Variants in ATAD2 observed in about 807,000 individuals in gnomAD.
ATAD2 encodes ATPase family AAA domain-containing protein 2.
In ATAD2, 62 loss-of-function variants were observed where a neutral mutation model predicts 168.9. The ratio of observed to expected loss-of-function variants is 0.37; its 90% confidence interval spans 0.30 to 0.45. The LOEUF is 0.45. ATAD2 is among the 20% of genes least tolerant of loss of function. The probability of loss-of-function intolerance (pLI) is 1.00; values close to 1 mark genes in which losing one functional copy is unlikely to be tolerated. For missense variants in ATAD2, 1,419 were observed against 1,667.8 expected (o/e 0.85, Z 2.60); for synonymous variants, 613 against 571.6 (o/e 1.07, Z -1.03).
At chr8:123,361,214 G>C (rs1053986737) in intron 9 of ATAD2, among the ~76,000 whole-genome samples, 25 of 151,878 alleles carry the variant, frequency 1.6e-4, no homozygotes, top group Middle Eastern at 3.2e-3. Flanking sequence ...CTACTCAGGA[G>C]GCTGAGGCAG....
In ATAD2 at chr8:123,328,353, G is replaced by T. The variant is rs1563832306; in HGVS notation, c.3705C>A (p.Ser1235Arg). 3 of 1,603,882 alleles carry T rather than the reference G, an allele frequency of 1.9e-6. No homozygotes were observed. Among genetic ancestry groups the T allele is most frequent in the South Asian group, 1.1e-5 (1 of 87,668 alleles). ...TTGAATTATTTCTCAATTCCAGTTT[G>T]CTTTCAGAGGCATTTTGCTGTTTTT... The part of the protein sequence containing the change: ...ENEKQQNASE[S>R]KLELRNNSNT... Residue 1235 changes from serine to arginine, a missense_variant, in exon 25 of 28, where the codon AGC becomes AGA. Coordinates refer to ENST00000287394, the MANE Select transcript of ATAD2 (RefSeq NM_014109.4).
rs561378471 is a variant in ATAD2 at position 123,413,897 on chromosome 8, A to G, written c.-2282+2351T>C. On this transcript the variant is annotated intron_variant, in intron 1 of 28. Transcript: ENST00000521903. ...GAATAAGACACTCAGTGACAAGAGT[A>G]TGGCGGCGGGGAGGGTGGCCGAGGC... is the stretch of plus-strand genomic sequence containing the variant. 7.2e-5 allele frequency among the ~76,000 whole-genome samples: 11 copies of G among 152,144 alleles called. No individual in the cohort carries two copies. In the East Asian group the frequency reaches 2.1e-3, roughly 29 times the overall value.
chr8:123,339,065 A>T (rs762361555), intron 20 of ATAD2, among the ~76,000 whole-genome samples: 1 of 152,168 alleles, frequency 6.6e-6, no homozygotes, highest in Non-Finnish European at 1.5e-5. Context: ...TGGAGGGCTG[A>T]GGCAGAACAC....
In ATAD2 at chr8:123,374,327, C is replaced by T. The variant is rs563229799; in HGVS notation, c.321-1641G>A. Among the ~76,000 whole-genome samples the T allele has an allele frequency of 4.6e-5, 7 of 152,256 alleles. No homozygotes were observed. In the East Asian group the frequency reaches 5.8e-4, roughly 13 times the overall value. On this transcript the variant is annotated intron_variant, in intron 2 of 27. Transcript: ENST00000287394. ...AAGATTGCACCACTACATTCCAGCC[C>T]GGGTGACAGAGCACAGGGTCCATCT...
chr8:123,348,254 T>G lies in ATAD2; in HGVS notation c.1826A>C (p.Lys609Thr). ...PDKEARKEIL[K>T]IHTRDWNPKP... is the part of the protein sequence containing the mutation. ...GGGATTCCAATCCCTGGTGTGAATC[T>G]TTAGAATCTCTTTTCGAGCCTATGA... The change falls in exon 15 of 28, where the codon AAG (lysine) becomes ACG (threonine). Residue 609 changes from lysine (K) to threonine (T), a missense_variant. Physicochemically the swap from Lys to Thr is moderately conservative, Grantham distance 78. Transcript: ENST00000287394. 6.3e-7 allele frequency: 1 copy of G among 1,597,160 alleles called. No individual in the cohort carries two copies. Among genetic ancestry groups the G allele is most frequent in the Non-Finnish European group, 8.5e-7 (1 of 1,174,230 alleles).
At chr8:123,373,989 T>G (rs1829233424) in intron 2 of ATAD2, among the ~76,000 whole-genome samples, 1 of 152,140 alleles carries the variant, frequency 6.6e-6, no homozygotes, top group Non-Finnish European at 1.5e-5. Context: ...CCTGATGAGT[T>G]AACTTATATA....
chr8:123,411,112 T>G (rs1813148565), intron 1 of ATAD2, among the ~76,000 whole-genome samples: 1 of 152,128 alleles, frequency 6.6e-6, no homozygotes, highest in African/African-American at 2.4e-5. Flanking sequence ...TGCCACCATC[T>G]TGGAAACTTT....
intron 1 of ATAD2, among the ~76,000 whole-genome samples, chr8:123,383,708 G>C (rs989062941): frequency 7.2e-5 from 11 of 151,994 alleles, no homozygotes; most frequent in African/African-American, 2.2e-4. Context: ...AGGAGGCGGA[G>C]GTTGCGGTGA....
At chr8:123,336,625 A>G in intron 21 of ATAD2, 93 bp from the exon 22 acceptor site, 1 of 912,094 alleles carries the variant, frequency 1.1e-6, no homozygotes, top group Non-Finnish European at 1.6e-6. Flanking sequence ...GAGATAGAGA[A>G]TAAATACGTA....
At chr8:123,414,718 G>A (rs750278239) in intron 1 of ATAD2, among the ~76,000 whole-genome samples, 13 of 152,202 alleles carry the variant, frequency 8.5e-5, no homozygotes, top group Non-Finnish European at 2.9e-5. Context: ...GTAGGGTTAG[G>A]GAGGACCCTG....
chr8:123,344,708 A>G, intron 19 of ATAD2, 176 bp downstream of exon 19: 1 of 675,132 alleles, frequency 1.5e-6, no homozygotes, highest in South Asian at 1.8e-5. Flanking sequence ...ACACATATAC[A>G]TATACCATCT....
intron 2 of ATAD2, among the ~76,000 whole-genome samples, chr8:123,376,322 C>T (rs928274011): frequency 7.2e-5 from 11 of 151,944 alleles, no homozygotes; most frequent in African/African-American, 2.7e-4. Flanking sequence ...AGGAGAATCT[C>T]TTGGACCTGG....
chr8:123,386,838 T>C (rs972914903), intron 1 of ATAD2, among the ~76,000 whole-genome samples: 1 of 151,910 alleles, frequency 6.6e-6, no homozygotes, highest in Admixed American at 6.6e-5. Flanking sequence ...AAGAGAATCT[T>C]TGATGTGCAT....
intron 1 of ATAD2, among the ~76,000 whole-genome samples, chr8:123,395,859 A>G (rs1812800269): frequency 6.6e-6 from 1 of 151,968 alleles, no homozygotes; most frequent in Admixed American, 6.5e-5. Context: ...TGGGCGATCG[A>G]TCGGCCAGGG....
intron 1 of ATAD2, among the ~76,000 whole-genome samples, chr8:123,385,702 G>C (rs977570230): frequency 6.6e-6 from 1 of 151,930 alleles, no homozygotes; most frequent in African/African-American, 2.4e-5. Context: ...ACTATCAACA[G>C]AGTGAAAAGG....
chr8:123,407,189 CAGAA>C (rs1345020633), intron 1 of ATAD2, among the ~76,000 whole-genome samples: 1 of 152,168 alleles, frequency 6.6e-6, no homozygotes, highest in Non-Finnish European at 1.5e-5. Context: ...TCCAAATCTC[CAGAA>C]AGAATCAACC....
Position 123,369,891 on chromosome 8 carries a change from T to C in ATAD2, c.861A>G (p.Glu287=), listed in dbSNP as rs756496549. ...GATAATATCGCTTCTGATTCTCTTC[T>C]TCTCCATCTTCTTCATCTTCATCAT... ...DEDDEDEEDG[E]EENQKRYYLR... is the part of the protein sequence containing the mutation. Residue 287 remains glutamate, a synonymous_variant, in exon 7 of 28, where the codon GAA becomes GAG. Transcript: ENST00000287394. 1.4e-5 allele frequency: 22 copies of C among 1,610,282 alleles called. No individual in the cohort carries two copies. In the East Asian group the frequency reaches 4.5e-4, roughly 33 times the overall value.
At chr8:123,386,777 T>C (rs1451872910) in intron 1 of ATAD2, among the ~76,000 whole-genome samples, 2 of 152,224 alleles carry the variant, frequency 1.3e-5, no homozygotes, top group Admixed American at 1.3e-4. Flanking sequence ...GGGACAATAC[T>C]AGGAAAAAAC....
Position 123,359,333 on chromosome 8 carries a change from G to A in ATAD2, c.1270C>T (p.Arg424Ter). 1.3e-6 allele frequency: 2 copies of A among 1,596,272 alleles called. No individual in the cohort carries two copies. The highest frequency in any genetic ancestry group is 1.7e-6 in the Non-Finnish European group (2 of 1,169,930). ...GACAGGCCACCAACACTATCAAATC[G>A]TACCTGGTAATGGAAGCGAACATGT... ...VDPMQLDSSV[R>*]FDSVGGLSNH... Residue 424 changes from arginine (R) to a stop codon, truncating the protein, a stop_gained, in exon 11 of 28, where the codon CGA becomes TGA. Coordinates refer to ENST00000287394, the MANE Select transcript of ATAD2 (RefSeq NM_014109.4). LOFTEE classifies it high-confidence loss of function.
Sources: gnomAD v4.1 joint callset for allele counts (sites outside exome capture counted in the v4.1 genomes callset) on GRCh38, gnomAD v4.1.1 for gene constraint, MANE v1.5 for transcripts, NCBI Gene and HGNC (gene_info 2026-07-23, HGNC 2026-07-21) for gene names.